Variants in MTHFD1L observed in about 807,000 individuals in gnomAD.
MTHFD1L encodes methylenetetrahydrofolate dehydrogenase (NADP+ dependent) 1 like, also known as monofunctional C1-tetrahydrofolate synthase, mitochondrial.
A neutral mutation model predicts 119.5 loss-of-function variants in MTHFD1L; 81 were observed. The observed-to-expected ratio is 0.68, with a 90% CI of 0.57 to 0.82. The LOEUF (loss-of-function observed/expected upper bound fraction) is 0.82, where lower values mean the gene tolerates loss of function less well. Among genes scored for constraint, MTHFD1L ranks in the 40% least tolerant of loss-of-function variants. MTHFD1L has a pLI of 0.00. For synonymous variants in MTHFD1L, 430 were observed against 475.2 expected (o/e 0.90, Z 1.24); for missense variants, 1,125 against 1,253.4 (o/e 0.90, Z 1.55).
chr6:151,089,695 C>T lies in MTHFD1L; in HGVS notation c.2848-2772C>T, dbSNP rs118108735. On this transcript the variant is annotated intron_variant, in intron 26 of 27. Coordinates refer to ENST00000367321, the MANE Select transcript of MTHFD1L (RefSeq NM_015440.5). ...AAAATTACCTGGTATGAGTTGTAAC[C>T]TAGGCAACTGGAAAAAAATATGTGT... Among the ~76,000 whole-genome samples, 10 of 152,308 alleles carry T rather than the reference C, an allele frequency of 6.6e-5. No homozygotes were observed. In the East Asian group the frequency reaches 1.7e-3, roughly 26 times the overall value.
chr6:150,912,789 C>T (rs1408824773), intron 8 of MTHFD1L: 5 of 422,154 alleles, frequency 1.2e-5, no homozygotes, highest in South Asian at 3.5e-5. Context: ...TCCACGGTTT[C>T]GGATGAGATC....
chr6:150,938,696 T>C lies in MTHFD1L; in HGVS notation c.1394-3T>C, dbSNP rs752838920. On this transcript the variant is annotated splice_region_variant and splice_polypyrimidine_tract_variant and intron_variant, in intron 12 of 27. Coordinates refer to ENST00000367321, the MANE Select transcript of MTHFD1L (RefSeq NM_015440.5). Reference sequence around the variant, plus strand: ...TTGAAATGCCTCTTGCTCTGTTGTTTAGGAGGAGCCGCGGGTGGTGGATAT... The same window carrying C: ...TTGAAATGCCTCTTGCTCTGTTGTTCAGGAGGAGCCGCGGGTGGTGGATAT... 1.2e-6 allele frequency: 2 copies of C among 1,609,928 alleles called. No homozygotes were observed.
chr6:151,028,968 T>C (rs75480731), intron 24 of MTHFD1L, among the ~76,000 whole-genome samples: 1,721 of 151,826 alleles, frequency 0.011, 18 homozygotes, highest in Non-Finnish European at 0.017. Context: ...CTACACAGTA[T>C]GCTGAGGTAA....
intron 7 of MTHFD1L, among the ~76,000 whole-genome samples, chr6:150,888,862 C>A (rs1782742484): frequency 6.6e-6 from 1 of 152,118 alleles, no homozygotes; most frequent in African/African-American, 2.4e-5. Context: ...GCAGGTACCA[C>A]AGATCAGTGG....
intron 20 of MTHFD1L, among the ~76,000 whole-genome samples, chr6:150,982,884 G>A (rs1777738223): frequency 6.6e-6 from 1 of 152,128 alleles, no homozygotes; most frequent in Non-Finnish European, 1.5e-5. Flanking sequence ...ATTTTTAGTA[G>A]AGATGGGGTT....
chr6:150,905,518 A>C (rs896752483), intron 7 of MTHFD1L, 132 bp from the exon 8 acceptor site: 7 of 661,092 alleles, frequency 1.1e-5, no homozygotes, highest in Non-Finnish European at 1.6e-5. Context: ...TAGTAAAGCG[A>C]TTCCATCCTT....
chr6:151,077,341 AC>A (rs1792625657), intron 26 of MTHFD1L, among the ~76,000 whole-genome samples: 2 of 152,342 alleles, frequency 1.3e-5, no homozygotes, highest in African/African-American at 4.8e-5. Context: ...ATGGCATCAG[AC>A]TTTTCAACGG....
chr6:151,039,410 C>G lies in MTHFD1L; in HGVS notation c.2847+2293C>G, dbSNP rs1346718721. On this transcript the variant is annotated intron_variant, in intron 26 of 27. Transcript: ENST00000367321. The surrounding 1 kb of genome is among the most constrained non-coding windows in gnomAD (Gnocchi z 4.4). Reference sequence around the variant, plus strand: ...CCTATGTTTTGACGTGGTAGTGATTCCATGGCTATATACATTCTTCCAGAC... The same window carrying G: ...CCTATGTTTTGACGTGGTAGTGATTGCATGGCTATATACATTCTTCCAGAC... Among the ~76,000 whole-genome samples, 1 of 152,064 alleles carries G rather than the reference C, an allele frequency of 6.6e-6. No homozygotes were observed. Among genetic ancestry groups the G allele is most frequent in the Non-Finnish European group, 1.5e-5 (1 of 68,028 alleles).
intron 7 of MTHFD1L, among the ~76,000 whole-genome samples, chr6:150,897,130 T>C (rs114821026): frequency 6.6e-6 from 1 of 151,964 alleles, no homozygotes; most frequent in African/African-American, 2.4e-5. Context: ...AAAAGCCGGT[T>C]GGGGTGGGGG....
chr6:150,984,150 C>A (rs992349478), intron 20 of MTHFD1L, among the ~76,000 whole-genome samples: 1 of 152,150 alleles, frequency 6.6e-6, no homozygotes, highest in Non-Finnish European at 1.5e-5. Context: ...AATAAAATGT[C>A]TTTACCTGGA....
chr6:150,866,761 C>A, intron 1 of MTHFD1L: 1 of 953,172 alleles, frequency 1.0e-6, no homozygotes, highest in Non-Finnish European at 1.3e-6. Context: ...TTCTGCGGGC[C>A]CAGAGCGAAC....
intron 26 of MTHFD1L, chr6:151,088,046 G>C (rs1793990133): frequency 6.6e-6 from 1 of 152,164 alleles, no homozygotes; most frequent in Non-Finnish European, 1.5e-5. Flanking sequence ...ACGGCTGTCT[G>C]GGCTCCTTTT....
chr6:150,981,315 A>G (rs1392963769), intron 20 of MTHFD1L, among the ~76,000 whole-genome samples: 1 of 152,192 alleles, frequency 6.6e-6, no homozygotes, highest in African/African-American at 2.4e-5. Flanking sequence ...GATGTAGAGC[A>G]CTATTGTTGA....
chr6:150,959,185 A>G, intron 17 of MTHFD1L: 1 of 984,650 alleles, frequency 1.0e-6, no homozygotes, highest in Non-Finnish European at 1.2e-6. Context: ...ATCAGTGACT[A>G]ATGCAATCTC....
At chr6:150,958,032 A>G (rs768260363) in intron 17 of MTHFD1L, among the ~76,000 whole-genome samples, 24 of 152,158 alleles carry the variant, frequency 1.6e-4, no homozygotes, top group Non-Finnish European at 4.4e-5. Flanking sequence ...TGTGCATTGT[A>G]TTGATAGTTC....
intron 21 of MTHFD1L, among the ~76,000 whole-genome samples, chr6:151,010,464 C>T (rs942096884): frequency 6.6e-6 from 1 of 152,186 alleles, no homozygotes; most frequent in Non-Finnish European, 1.5e-5. Context: ...TATTTTCCTT[C>T]TCTTTCTGTT....
intron 11 of MTHFD1L, among the ~76,000 whole-genome samples, chr6:150,927,758 C>T (rs1161208422): frequency 6.6e-6 from 1 of 151,974 alleles, no homozygotes; most frequent in African/African-American, 2.4e-5. Flanking sequence ...CACCTGGCCA[C>T]ATCCCAGATT....
intron 7 of MTHFD1L, among the ~76,000 whole-genome samples, chr6:150,893,715 G>A (rs935217934): frequency 3.9e-5 from 6 of 152,170 alleles, no homozygotes; most frequent in East Asian, 1.9e-4. Context: ...TAGTCTTACC[G>A]GTGTGGGCTG....
chr6:151,032,930 T>A (rs1046783580), intron 24 of MTHFD1L, among the ~76,000 whole-genome samples: 2 of 152,026 alleles, frequency 1.3e-5, no homozygotes, highest in African/African-American at 4.8e-5. Context: ...TAGCTTTTAT[T>A]TATTTTCTCT....
Sources: gnomAD v4.1 joint callset for allele counts (sites outside exome capture counted in the v4.1 genomes callset) on GRCh38, gnomAD v4.1.1 for gene constraint, Gnocchi (gnomAD v3.1) non-coding constraint, MANE v1.5 for transcripts, NCBI Gene and HGNC (gene_info 2026-07-23, HGNC 2026-07-21) for gene names.